UTRN: variants seen among roughly 807,000 people sequenced by gnomAD.
UTRN encodes the protein utrophin.
A neutral mutation model predicts 463.9 loss-of-function variants in UTRN; 283 were observed. That is an observed-to-expected ratio of 0.61 (90% confidence interval 0.55 to 0.67). The LOEUF (loss-of-function observed/expected upper bound fraction) is 0.67, where lower values mean the gene tolerates loss of function less well. Among genes scored for constraint, UTRN ranks in the 30% least tolerant of loss-of-function variants. The probability of loss-of-function intolerance (pLI) is 0.00; values close to 1 mark genes in which losing one functional copy is unlikely to be tolerated. For synonymous variants in UTRN, 1,442 were observed against 1,431.5 expected, an observed-to-expected ratio of 1.01 and a Z score of -0.17; for missense variants, 3,922 against 4,084.3, an observed-to-expected ratio of 0.96 and a Z score of 1.08.
intron 53 of UTRN, among the ~76,000 whole-genome samples, chr6:144,730,033 A>G (rs1040675061): frequency 6.6e-6 from 1 of 152,260 alleles, no homozygotes; most frequent in African/African-American, 2.4e-5. Flanking sequence ...AAAGGCTATT[A>G]TATTTTATCA....
chr6:144,485,458 A>T lies in UTRN; in HGVS notation c.3761A>T (p.Glu1254Val). The T allele has an allele frequency of 6.2e-7, 1 of 1,614,190 alleles. No homozygotes were observed. Among genetic ancestry groups the T allele is most frequent in the Non-Finnish European group, 8.5e-7 (1 of 1,180,026 alleles). ...LETTWLNTLE[E>V]RMKSTEVLPE... Reference sequence around the variant, plus strand: ...ACTACCTGGTTAAACACTTTGGAAGAGCGGATGAAGAGCACAGAGGTCCTG... The same window carrying T: ...ACTACCTGGTTAAACACTTTGGAAGTGCGGATGAAGAGCACAGAGGTCCTG... The change falls in exon 28 of 75, where the codon GAG becomes GTG. Residue 1254 changes from glutamate (E) to valine (V), a missense_variant. By Grantham distance (121) the Glu-to-Val change is moderately radical. Coordinates refer to ENST00000367545, the MANE Select transcript of UTRN (RefSeq NM_007124.3).
chr6:144,415,112 G>T (rs147729626), intron 3 of UTRN, among the ~76,000 whole-genome samples: 1 of 152,172 alleles, frequency 6.6e-6, no homozygotes, highest in African/African-American at 2.4e-5. Flanking sequence ...CAGTACAGTA[G>T]CATGCTCTAT....
At chr6:144,829,701 G>A (rs568685579) in intron 69 of UTRN, among the ~76,000 whole-genome samples, 43 of 145,052 alleles carry the variant, frequency 3.0e-4, no homozygotes, top group Admixed American at 5.5e-4. Flanking sequence ...GTAGTTGGGT[G>A]TTTTCACTAA....
intron 51 of UTRN, among the ~76,000 whole-genome samples, chr6:144,592,058 C>T (rs1379198144): frequency 6.6e-6 from 1 of 152,126 alleles, no homozygotes; most frequent in African/African-American, 2.4e-5. Flanking sequence ...TAGCTTTATT[C>T]TAGGATTTTA....
chr6:144,438,115 A>G (rs1786767227), intron 11 of UTRN, among the ~76,000 whole-genome samples: 1 of 152,108 alleles, frequency 6.6e-6, no homozygotes, highest in Non-Finnish European at 1.5e-5. Flanking sequence ...AAAATACAAA[A>G]ATTAGCTGGG....
rs908331476 is a variant in UTRN at position 144,516,186 on chromosome 6, C to T, written c.5245-43C>T. On this transcript the variant is annotated intron_variant, in intron 37 of 74. Transcript: ENST00000367545. ...ATCTCTCTGATTAATGATGGAAAGT[C>T]AAATTAAAAATCTATTTTCAGAGAA... is the stretch of plus-strand genomic sequence containing the variant. The T allele has an allele frequency of 1.1e-5, 18 of 1,590,034 alleles. No individual in the cohort carries two copies. In the Admixed American group the frequency reaches 1.4e-4, roughly 13 times the overall value.
intron 50 of UTRN, among the ~76,000 whole-genome samples, chr6:144,565,916 G>A (rs1050704587): frequency 2.6e-5 from 4 of 151,760 alleles, no homozygotes; most frequent in Admixed American, 6.6e-5. Context: ...TAAGAGAGTC[G>A]ATTGACTTTT....
At chr6:144,770,599 A>G (rs1422726590) in intron 58 of UTRN, among the ~76,000 whole-genome samples, 5 of 151,886 alleles carry the variant, frequency 3.3e-5, no homozygotes, top group African/African-American at 1.2e-4. Context: ...TGACCCACCA[A>G]AGTCATGAAC....
intron 2 of UTRN, chr6:144,330,889 C>T: frequency 9.1e-6 from 9 of 985,454 alleles, no homozygotes; most frequent in Non-Finnish European, 1.1e-5. Flanking sequence ...GTACACATCC[C>T]TTTGTGACTT....
chr6:144,821,084 A>G, intron 66 of UTRN, 66 bp downstream of exon 66: 1 of 1,546,758 alleles, frequency 6.5e-7, no homozygotes, highest in South Asian at 1.2e-5. Context: ...TTTTTATGTT[A>G]GTAACACAAG....
chr6:144,752,243 C>T (rs1791477889), intron 56 of UTRN, among the ~76,000 whole-genome samples: 1 of 151,938 alleles, frequency 6.6e-6, no homozygotes, highest in South Asian at 2.1e-4. Flanking sequence ...GTCACAGAAA[C>T]ATTTTTCACA....
chr6:144,687,367 T>C (rs1365930032), intron 52 of UTRN, among the ~76,000 whole-genome samples: 1 of 152,148 alleles, frequency 6.6e-6, no homozygotes, highest in African/African-American at 2.4e-5. Context: ...GGTGAAAATA[T>C]ATTATTTGCA....
At chr6:144,476,430 C>A (rs1213837185) in intron 25 of UTRN, among the ~76,000 whole-genome samples, 1 of 151,882 alleles carries the variant, frequency 6.6e-6, no homozygotes, top group East Asian at 2.0e-4. Flanking sequence ...AAGAAGAGAC[C>A]TAAGGAAAGA....
chr6:144,715,475 C>T (rs1786303459), intron 53 of UTRN, among the ~76,000 whole-genome samples: 1 of 152,184 alleles, frequency 6.6e-6, no homozygotes, highest in Admixed American at 6.5e-5. Context: ...CAAGGCCCTG[C>T]CTGATCTGAC....
chr6:144,823,320 T>C (rs948144994), intron 66 of UTRN, among the ~76,000 whole-genome samples: 1 of 152,132 alleles, frequency 6.6e-6, no homozygotes, highest in Non-Finnish European at 1.5e-5. Context: ...GGATTTGATA[T>C]AGTTCACTTT....
At chr6:144,297,102 A>T (rs1804789970) in intron 2 of UTRN, among the ~76,000 whole-genome samples, 1 of 151,100 alleles carries the variant, frequency 6.6e-6, no homozygotes, top group South Asian at 2.1e-4. Flanking sequence ...AAAAAAAAAA[A>T]GGTAGTGGAT....
In UTRN at chr6:144,643,521, G is replaced by A. The variant is rs148859475; in HGVS notation, c.7480-34885G>A. Among the ~76,000 whole-genome samples, 448 of 152,220 alleles carry A rather than the reference G, an allele frequency of 2.9e-3. 8 individuals carry two copies. In the East Asian group the frequency reaches 0.04, roughly 13 times the overall value. ...TAAAAATTTGTGTTAATTGGGCCGG[G>A]CACGGTGGTTCATGCCTGTAATCCC... is the stretch of plus-strand genomic sequence containing the variant. On this transcript the variant is annotated intron_variant, in intron 51 of 74. Coordinates refer to ENST00000367545, the MANE Select transcript of UTRN (RefSeq NM_007124.3).
At chr6:144,823,319 A>G (rs1779761812) in intron 66 of UTRN, among the ~76,000 whole-genome samples, 1 of 152,066 alleles carries the variant, frequency 6.6e-6, no homozygotes, top group African/African-American at 2.4e-5. Context: ...GGGATTTGAT[A>G]TAGTTCACTT....
chr6:144,676,802 T>G (rs1781649222), intron 51 of UTRN, among the ~76,000 whole-genome samples: 1 of 152,194 alleles, frequency 6.6e-6, no homozygotes, highest in East Asian at 1.9e-4. Context: ...TTTATAAGAC[T>G]GAAAGGACAA....
Sources: gnomAD v4.1 joint callset for allele counts (sites outside exome capture counted in the v4.1 genomes callset) on GRCh38, gnomAD v4.1.1 for gene constraint, MANE v1.5 for transcripts, NCBI Gene and HGNC (gene_info 2026-07-23, HGNC 2026-07-21) for gene names.